The following ZEB1 variants were observed in gnomAD, a reference collection of about 807,000 sequenced individuals.
The protein encoded by ZEB1 is zinc finger E-box binding homeobox 1.
ZEB1 carries 21 observed loss-of-function variants against 84.9 expected under a neutral mutation model. That is an observed-to-expected ratio of 0.25 (90% CI 0.18 to 0.36). The LOEUF (loss-of-function observed/expected upper bound fraction) is 0.36, where lower values mean the gene tolerates loss of function less well. ZEB1 is among the 10% of genes least tolerant of loss of function. The probability of loss-of-function intolerance (pLI) is 1.00; values close to 1 mark genes in which losing one functional copy is unlikely to be tolerated. For missense variants in ZEB1, 1,104 were observed against 1,330.2 expected (o/e 0.83, Z 2.65); for synonymous variants, 420 against 471.1 (o/e 0.89, Z 1.41).
chr10:31,480,525 T>C lies in ZEB1; in HGVS notation c.260-15251T>C, dbSNP rs144286375. 6.6e-5 allele frequency among the ~76,000 whole-genome samples: 10 copies of C among 152,166 alleles called. No homozygotes were observed. In the East Asian group the frequency reaches 1.4e-3, roughly 21 times the overall value. On this transcript the variant is annotated intron_variant, in intron 2 of 8. Coordinates refer to ENST00000424869, the MANE Select transcript of ZEB1 (RefSeq NM_001174096.2). ...ATCTCTTGAGTTCCACTTGTACATA[T>C]GTAAAATGAAAGCAATGGGCCAGAT...
chr10:31,454,138 A>G (rs1237069465), intron 1 of ZEB1, among the ~76,000 whole-genome samples: 1 of 152,228 alleles, frequency 6.6e-6, no homozygotes, highest in Non-Finnish European at 1.5e-5. Flanking sequence ...CCATTGTATA[A>G]ATGGAACAAA....
intron 1 of ZEB1, chr10:31,320,123 C>T (rs896318116): frequency 2.6e-5 from 4 of 151,818 alleles, no homozygotes; most frequent in African/African-American, 7.3e-5. Context: ...AGAGCCCCGG[C>T]CTGGGGACTC....
chr10:31,452,447 A>G (rs1485894943), intron 1 of ZEB1, among the ~76,000 whole-genome samples: 1 of 152,124 alleles, frequency 6.6e-6, no homozygotes. Flanking sequence ...CTGGAGTAAT[A>G]TTATATGCAG....
intron 6 of ZEB1, among the ~76,000 whole-genome samples, chr10:31,517,541 T>TGAGTA (rs1391058278): frequency 1.3e-5 from 2 of 151,716 alleles, no homozygotes. Flanking sequence ...TACCGAACTT[T>TGAGTA]GAGTAGTGAA....
At position 31,395,254 on chromosome 10, in the gene ZEB1, A is replaced by G. The variant is rs559860232; in HGVS notation, c.59-65783A>G. ...TAGTCTCACTGTTCTTCACCTCTGA[A>G]TCTCACGAGATACTCTTTTCCTAAA... On this transcript the variant is annotated intron_variant, in intron 1 of 8. Coordinates refer to ENST00000424869, the MANE Select transcript of ZEB1 (RefSeq NM_001174096.2). Among the ~76,000 whole-genome samples the G allele has an allele frequency of 5.9e-5, 9 of 152,268 alleles. No individual in the cohort carries two copies. The South Asian group carries it at 1.9e-3, about 32-fold the overall frequency.
chr10:31,370,703 G>C (rs1036403835), intron 1 of ZEB1, among the ~76,000 whole-genome samples: 1 of 152,148 alleles, frequency 6.6e-6, no homozygotes, highest in Non-Finnish European at 1.5e-5. Flanking sequence ...TAATAAAATT[G>C]TATCTCTTTC....
chr10:31,502,591 A>G, intron 4 of ZEB1, 82 bp downstream of exon 4: 1 of 1,572,934 alleles, frequency 6.4e-7, no homozygotes, highest in Non-Finnish European at 8.7e-7. Flanking sequence ...AACCTGCTCT[A>G]CTATAGGGAA....
At chr10:31,406,002 G>C (rs946296658) in intron 1 of ZEB1, among the ~76,000 whole-genome samples, 2 of 152,090 alleles carry the variant, frequency 1.3e-5, no homozygotes, top group Admixed American at 6.5e-5. Context: ...CTTCATCCAT[G>C]TCCCTGCAAA....
At chr10:31,319,323 G>C (rs774705209) in intron 1 of ZEB1, 31 bp downstream of exon 1, 3 of 1,595,910 alleles carry the variant, frequency 1.9e-6, no homozygotes, top group Middle Eastern at 1.8e-4. Context: ...GGGAGCGGCG[G>C]AGTCAGGGGG....
chr10:31,456,366 C>T (rs1047637655), intron 1 of ZEB1, among the ~76,000 whole-genome samples: 44 of 152,080 alleles, frequency 2.9e-4, no homozygotes, highest in Middle Eastern at 3.4e-3. Context: ...GTAACCTGCA[C>T]GTTCTGCGAT....
rs548297460 is a variant in ZEB1, at chr10:31,386,086, CTTTA to C, written c.58+66800_58+66803del. 2.6e-3 allele frequency among the ~76,000 whole-genome samples: 402 copies of C among 152,068 alleles called. 1 individual carries two copies. The highest frequency in any genetic ancestry group is 8.8e-3 in the African/African-American group (365 of 41,514). ...ATAGCTATAGACAACCATTTTATCACTTTATTTATATCGATCTACTCTCTATGGA... is the reference window on the plus strand; with the variant it reads ...ATAGCTATAGACAACCATTTTATCACTTTATATCGATCTACTCTCTATGGA... On this transcript the variant is annotated intron_variant, in intron 1 of 8. Coordinates refer to ENST00000424869, the MANE Select transcript of ZEB1 (RefSeq NM_001174096.2).
intron 1 of ZEB1, among the ~76,000 whole-genome samples, chr10:31,373,927 C>A (rs541547128): frequency 6.6e-6 from 1 of 151,588 alleles, no homozygotes; most frequent in African/African-American, 2.4e-5. Context: ...TATTTTTCTC[C>A]TGAATATATT....
At chr10:31,327,204 A>T (rs1160940576) in intron 1 of ZEB1, among the ~76,000 whole-genome samples, 1 of 142,292 alleles carries the variant, frequency 7.0e-6, no homozygotes, top group Non-Finnish European at 1.5e-5. Flanking sequence ...TCTGTCTCCC[A>T]GGTTCAAGTG....
intron 2 of ZEB1, among the ~76,000 whole-genome samples, chr10:31,469,646 G>A (rs10826954): frequency 0.059 from 8,915 of 152,248 alleles, 732 homozygotes; most frequent in African/African-American, 0.18. Context: ...AGGGGCGCCC[G>A]CCATTGCCCA....
chr10:31,518,485 A>G (rs1372344151), intron 6 of ZEB1, among the ~76,000 whole-genome samples: 1 of 152,150 alleles, frequency 6.6e-6, no homozygotes, highest in Admixed American at 6.6e-5. Flanking sequence ...TTTTGGCTCA[A>G]ACTCAGCCTG....
intron 1 of ZEB1, among the ~76,000 whole-genome samples, chr10:31,348,299 C>T (rs1025147998): frequency 6.6e-6 from 1 of 152,120 alleles, no homozygotes; most frequent in Non-Finnish European, 1.5e-5. Context: ...TGCAGTGGCT[C>T]ACACCTGTAA....
intron 1 of ZEB1, among the ~76,000 whole-genome samples, chr10:31,332,184 A>G (rs1211277340): frequency 6.6e-6 from 1 of 152,202 alleles, no homozygotes; most frequent in African/African-American, 2.4e-5. Context: ...CACTTCTACC[A>G]CCACCATAAA....
At chr10:31,479,797 G>T (rs1343570875) in intron 2 of ZEB1, among the ~76,000 whole-genome samples, 2 of 151,820 alleles carry the variant, frequency 1.3e-5, no homozygotes, top group Non-Finnish European at 2.9e-5. Flanking sequence ...TATGGAAAAA[G>T]GAGTATTTTA....
rs529706963 is a variant in ZEB1, at chr10:31,446,961, G to A, written c.59-14076G>A. Among the ~76,000 whole-genome samples, 232 of 151,958 alleles carry A rather than the reference G, an allele frequency of 1.5e-3. 1 individual carries two copies. The highest frequency in any genetic ancestry group is 2.5e-3 in the Non-Finnish European group (172 of 67,964). On this transcript the variant is annotated intron_variant, in intron 1 of 8. Coordinates refer to ENST00000424869, the MANE Select transcript of ZEB1 (RefSeq NM_001174096.2). ...GTTCAGAGCTGAGTTCAATTCCCTG[G>A]GTATCCTTGTTGACTTTCTGTCTCG...
Sources: allele counts gnomAD v4.1 joint callset (sites outside exome capture counted in the v4.1 genomes callset), GRCh38; gene constraint gnomAD v4.1.1; transcripts MANE v1.5; gene names NCBI Gene and HGNC (gene_info 2026-07-23, HGNC 2026-07-21).